The following ADAMTS19 variants were observed in gnomAD, a reference collection of about 807,000 sequenced individuals.
ADAMTS19 encodes A disintegrin and metalloproteinase with thrombospondin motifs 19.
In ADAMTS19, 93 loss-of-function variants were observed where a neutral mutation model predicts 153.3. That is an observed-to-expected ratio of 0.61 (90% CI 0.51 to 0.72). The LOEUF is 0.72. ADAMTS19 is among the 30% of genes least tolerant of loss of function. ADAMTS19 has a pLI of 0.00. For missense variants in ADAMTS19, 1,482 were observed against 1,552.1 expected, an observed-to-expected ratio of 0.95 and a Z score of 0.76; for synonymous variants, 600 against 556.6, an observed-to-expected ratio of 1.08 and a Z score of -1.10.
In ADAMTS19 at chr5:129,668,568, G is replaced by A. The variant is rs140562765; in HGVS notation, c.2506+2989G>A. On this transcript the variant is annotated intron_variant, in intron 16 of 22. Coordinates refer to ENST00000274487, the MANE Select transcript of ADAMTS19 (RefSeq NM_133638.6). ...CACTAATCCCAATTATAAGGGCAGC[G>A]CTCTTATGACCTAATCACCTCTCAG... 7.2e-5 allele frequency among the ~76,000 whole-genome samples: 11 copies of A among 152,084 alleles called. No homozygotes were observed. In the East Asian group the frequency reaches 9.7e-4, roughly 13 times the overall value.
At chr5:129,727,147 C>A (rs1214049555) in intron 21 of ADAMTS19, among the ~76,000 whole-genome samples, 6 of 152,128 alleles carry the variant, frequency 3.9e-5, no homozygotes, top group Non-Finnish European at 7.4e-5. Flanking sequence ...ATAGGTATTT[C>A]ATATGTCTGT....
Position 129,584,923 on chromosome 5 carries a change from A to G in ADAMTS19, c.1373-11636A>G, listed in dbSNP as rs566165853. ...GAGTGATTCGTTCTGTCTTGCTGGT[A>G]TTCCAGGTGCCACTGTGGTATGAAA... On this transcript the variant is annotated intron_variant, in intron 7 of 22. Coordinates refer to ENST00000274487, the MANE Select transcript of ADAMTS19 (RefSeq NM_133638.6). 2.0e-5 allele frequency among the ~76,000 whole-genome samples: 3 copies of G among 152,272 alleles called. No homozygotes were observed. The East Asian group carries it at 5.8e-4, about 29-fold the overall frequency.
rs546895643 is a variant in ADAMTS19, at chr5:129,665,388, G to C, written c.2426-111G>C. ...AAAAATTTTTCTTTACGTAAGTACT[G>C]AAATATCATAGCAATAACCAAAACC... On this transcript the variant is annotated intron_variant, in intron 15 of 22. Transcript: ENST00000274487. The C allele has an allele frequency of 7.8e-5, 65 of 828,204 alleles. No individual in the cohort carries two copies. In the African/African-American group the frequency reaches 1.1e-3, roughly 14 times the overall value. 51.3% of individuals were successfully genotyped at this position (828,204 alleles called of 1,614,324 possible).
At chr5:129,513,021 TG>T (rs1751490004) in intron 3 of ADAMTS19, among the ~76,000 whole-genome samples, 1 of 151,974 alleles carries the variant, frequency 6.6e-6, no homozygotes, top group Non-Finnish European at 1.5e-5. Flanking sequence ...ATTTTTCTCC[TG>T]ACTTCCATAT....
chr5:129,734,432 T>C (rs1757580097), intron 21 of ADAMTS19, among the ~76,000 whole-genome samples: 1 of 152,004 alleles, frequency 6.6e-6, no homozygotes, highest in African/African-American at 2.4e-5. Context: ...GGCTAAGACA[T>C]CTTGATATAA....
intron 10 of ADAMTS19, among the ~76,000 whole-genome samples, chr5:129,634,681 A>T (rs7713693): frequency 0.024 from 3,665 of 152,256 alleles, 123 homozygotes; most frequent in African/African-American, 0.078. Flanking sequence ...GCTCTGGGAT[A>T]ACTTACTAGC....
intron 2 of ADAMTS19, among the ~76,000 whole-genome samples, chr5:129,487,226 G>A (rs1750628810): frequency 6.6e-6 from 1 of 151,906 alleles, no homozygotes; most frequent in African/African-American, 2.4e-5. Flanking sequence ...TCTTTTCAAA[G>A]GAATACTTGG....
rs1357310057 is a variant in ADAMTS19, at chr5:129,461,502, C to T, written c.492C>T (p.Ala164=). The T allele has an allele frequency of 6.6e-7, 1 of 1,507,192 alleles. No homozygotes were observed. Among genetic ancestry groups the T allele is most frequent in the Non-Finnish European group, 8.8e-7 (1 of 1,136,634 alleles). 93.4% of individuals were successfully genotyped at this position (1,507,192 alleles called of 1,614,324 possible). The change falls in exon 2 of 23, where the codon GCC becomes GCT. Residue 164 remains alanine, a synonymous_variant. Coordinates refer to ENST00000274487, the MANE Select transcript of ADAMTS19 (RefSeq NM_133638.6). This position sits in a 1 kb window ranked among gnomAD's most constrained non-coding sequence, Gnocchi z 4.6. ...PPPSPPPAQH[A]EPDGDEVLLR... Reference sequence around the variant, plus strand: ...CGTCCCCGCCCCCGGCCCAGCATGCCGAGCCGGATGGCGACGAAGTGTTGC... The same window carrying T: ...CGTCCCCGCCCCCGGCCCAGCATGCTGAGCCGGATGGCGACGAAGTGTTGC...
intron 6 of ADAMTS19, among the ~76,000 whole-genome samples, chr5:129,551,248 T>C (rs1753080790): frequency 6.6e-6 from 1 of 151,694 alleles, no homozygotes; most frequent in Non-Finnish European, 1.5e-5. Context: ...TTTTGCTCTA[T>C]GAAATCCTGA....
intron 7 of ADAMTS19, among the ~76,000 whole-genome samples, chr5:129,583,193 T>G (rs1212345692): frequency 6.6e-6 from 1 of 152,164 alleles, no homozygotes; most frequent in African/African-American, 2.4e-5. Flanking sequence ...GGATATGAAA[T>G]TCTGGGTTGA....
chr5:129,583,803 C>T (rs541479950), intron 7 of ADAMTS19, among the ~76,000 whole-genome samples: 2 of 151,966 alleles, frequency 1.3e-5, no homozygotes. Flanking sequence ...TTCTAGTTAG[C>T]AATTCCGCTA....
intron 2 of ADAMTS19, among the ~76,000 whole-genome samples, chr5:129,508,539 G>T (rs1192895848): frequency 6.6e-6 from 1 of 151,912 alleles, no homozygotes; most frequent in Non-Finnish European, 1.5e-5. Flanking sequence ...TGTAAGTAAT[G>T]CTTCATTTTT....
At chr5:129,614,487 C>G (rs1483219762) in intron 8 of ADAMTS19, among the ~76,000 whole-genome samples, 1 of 152,100 alleles carries the variant, frequency 6.6e-6, no homozygotes, top group Admixed American at 6.6e-5. Context: ...ATTCAACAGT[C>G]CTTCATGCTA....
chr5:129,607,063 G>A (rs748957739), intron 8 of ADAMTS19, among the ~76,000 whole-genome samples: 2 of 151,908 alleles, frequency 1.3e-5, no homozygotes, highest in African/African-American at 2.4e-5. Context: ...GATTACAGGC[G>A]CTCAGCACCC....
rs1467844353 is a variant in ADAMTS19 at position 129,608,402 on chromosome 5, G to A, written c.1478+11738G>A. On this transcript the variant is annotated intron_variant, in intron 8 of 22. Transcript: ENST00000274487. Reference sequence around the variant, plus strand: ...AATCCTTCAGTCACAAGATGTATAAGTACTGGAGGCCTAATGTACAGCATG... The same window carrying A: ...AATCCTTCAGTCACAAGATGTATAAATACTGGAGGCCTAATGTACAGCATG... 2.0e-5 allele frequency among the ~76,000 whole-genome samples: 3 copies of A among 151,866 alleles called. No homozygotes were observed. In the East Asian group the frequency reaches 5.9e-4, roughly 30 times the overall value.
chr5:129,506,355 G>A (rs990746756), intron 2 of ADAMTS19, among the ~76,000 whole-genome samples: 1 of 152,014 alleles, frequency 6.6e-6, no homozygotes, highest in Admixed American at 6.6e-5. Flanking sequence ...TGTATTGAAT[G>A]AATGAGTCAC....
intron 3 of ADAMTS19, among the ~76,000 whole-genome samples, chr5:129,517,309 A>T (rs938767005): frequency 6.6e-6 from 1 of 151,894 alleles, no homozygotes; most frequent in Non-Finnish European, 1.5e-5. Flanking sequence ...TTTGGCCTAT[A>T]GTGCAGATTA....
At chr5:129,484,580 G>A (rs911614761) in intron 2 of ADAMTS19, among the ~76,000 whole-genome samples, 5 of 152,046 alleles carry the variant, frequency 3.3e-5, no homozygotes, top group South Asian at 2.1e-4. Flanking sequence ...AGGTGGATGC[G>A]TGTAGTTTTA....
At chr5:129,544,273 T>C (rs141595390) in intron 6 of ADAMTS19, among the ~76,000 whole-genome samples, 217 of 152,340 alleles carry the variant, frequency 1.4e-3, no homozygotes, top group African/African-American at 4.9e-3. Context: ...TTGAAAGACA[T>C]TTTTGAAAAA....
Sources: gnomAD v4.1 joint callset for allele counts (sites outside exome capture counted in the v4.1 genomes callset) on GRCh38, gnomAD v4.1.1 for gene constraint, Gnocchi (gnomAD v3.1) non-coding constraint, MANE v1.5 for transcripts, NCBI Gene and HGNC (gene_info 2026-07-23, HGNC 2026-07-21) for gene names.